The following SMIM40 variants were observed in gnomAD, a reference collection of about 807,000 sequenced individuals.
SMIM40 encodes small integral membrane protein 40.
chr6:33,329,097 A>G lies in SMIM40; in HGVS notation c.169T>C (p.Leu57=), dbSNP rs1418618304. The change falls in exon 1 of 3, where the codon TTA becomes CTA. Residue 57 remains leucine (L), a synonymous_variant. Coordinates refer to ENST00000494082, the MANE Select transcript of SMIM40 (RefSeq NM_001369203.1). ...MLEAAYKLLW[L]LLWAKLGDWL... ...TCCCCTAACTTTGCCCATAGTAGTA[A>G]CCACAGCAGCTTATAAGCAGCCTCC... The G allele has an allele frequency of 5.0e-6, 2 of 398,690 alleles. No homozygotes were observed. Among genetic ancestry groups the G allele is most frequent in the African/African-American group, 4.1e-5 (2 of 48,630 alleles). 24.7% of individuals were successfully genotyped at this position (398,690 alleles called of 1,614,324 possible). A position where few individuals can be genotyped will look rare whatever the true frequency, so the allele number is the denominator to read the frequency against.
At chr6:33,327,335 T>A (rs1771262816) in intron 1 of SMIM40, among the ~76,000 whole-genome samples, 1 of 148,004 alleles carries the variant, frequency 6.8e-6, no homozygotes, top group East Asian at 1.9e-4. Flanking sequence ...GGCAGAAGAA[T>A]CGCTTGAACC....
chr6:33,328,264 C>T (rs1381017481), intron 1 of SMIM40, among the ~76,000 whole-genome samples: 1 of 151,264 alleles, frequency 6.6e-6, no homozygotes, highest in African/African-American at 2.4e-5. Context: ...TCTCGGCTCA[C>T]TGCAACTGCC....
intron 1 of SMIM40, among the ~76,000 whole-genome samples, chr6:33,324,658 G>T (rs1380947060): frequency 6.8e-6 from 1 of 147,832 alleles, no homozygotes; most frequent in African/African-American, 2.5e-5. Flanking sequence ...TCCGAGGTGG[G>T]CGTATCATGG....
intron 1 of SMIM40, among the ~76,000 whole-genome samples, chr6:33,325,335 C>T (rs574027798): frequency 7.1e-6 from 1 of 140,398 alleles, no homozygotes; most frequent in Non-Finnish European, 1.5e-5. Flanking sequence ...CACTGCACTC[C>T]AGCCTGGCGA....
chr6:33,328,416 C>G (rs1158835242), intron 1 of SMIM40, among the ~76,000 whole-genome samples: 1 of 151,656 alleles, frequency 6.6e-6, no homozygotes, highest in Non-Finnish European at 1.5e-5. Flanking sequence ...TCTTGAACTC[C>G]TGACTTTAGG....
At chr6:33,325,054 G>A (rs1771079754) in intron 1 of SMIM40, among the ~76,000 whole-genome samples, 1 of 151,772 alleles carries the variant, frequency 6.6e-6, no homozygotes, top group Non-Finnish European at 1.5e-5. Flanking sequence ...ACCTCACCTG[G>A]CTAATTTTTT....
intron 1 of SMIM40, among the ~76,000 whole-genome samples, chr6:33,325,666 C>G (rs1376438946): frequency 7.0e-6 from 1 of 143,358 alleles, no homozygotes; most frequent in African/African-American, 2.8e-5. Context: ...ACGGTGAAAC[C>G]CTGTCTCTAC....
chr6:33,324,816 C>G (rs1376345313), intron 1 of SMIM40, among the ~76,000 whole-genome samples: 7 of 116,226 alleles, frequency 6.0e-5, no homozygotes, highest in African/African-American at 3.3e-5. Flanking sequence ...ATCCGGGAGG[C>G]GGAGGTTGCA....
In SMIM40 at chr6:33,329,269, G is replaced by C. The variant is rs1771403109; in HGVS notation, c.-4C>G. ...CCACATCACCTTCCTCTGCCATCCT[G>C]ACTCACAGTCAGACAGCTGGCTGGA... On this transcript the variant is annotated 5_prime_UTR_variant, in exon 1 of 3. Transcript: ENST00000494082. 1 of 398,594 alleles carries C rather than the reference G, an allele frequency of 2.5e-6. No homozygotes were observed. The highest frequency in any genetic ancestry group is 1.3e-4 in the South Asian group (1 of 7,834). 24.7% of individuals were successfully genotyped at this position (398,594 alleles called of 1,614,324 possible). A position where few individuals can be genotyped will look rare whatever the true frequency, so the allele number is the denominator to read the frequency against.
chr6:33,325,897 A>C lies in SMIM40; in HGVS notation c.*40-1867T>G, dbSNP rs962445771. Among the ~76,000 whole-genome samples the C allele has an allele frequency of 4.0e-5, 6 of 149,022 alleles. 1 individual carries two copies. Among genetic ancestry groups the C allele is most frequent in the African/African-American group, 1.6e-4 (6 of 38,646 alleles). On this transcript the variant is annotated intron_variant, in intron 1 of 2. Transcript: ENST00000494082. ...AAGTGTACGATCACATGTTTATAAG[A>C]ACATTCTGTTCTTATAATAATTGTA...
At chr6:33,326,348 T>TA (rs1771171542) in intron 1 of SMIM40, among the ~76,000 whole-genome samples, 1 of 146,320 alleles carries the variant, frequency 6.8e-6, no homozygotes, top group South Asian at 2.1e-4. Context: ...TTTTTGTATT[T>TA]TTTTTTTTTA....
intron 1 of SMIM40, among the ~76,000 whole-genome samples, chr6:33,324,344 G>A (rs915094373): frequency 6.6e-6 from 1 of 150,918 alleles, no homozygotes; most frequent in African/African-American, 2.4e-5. Flanking sequence ...CTGCAGTACA[G>A]GTTCTCATTC....
chr6:33,325,269 A>G (rs1771096118), intron 1 of SMIM40, among the ~76,000 whole-genome samples: 1 of 146,024 alleles, frequency 6.8e-6, no homozygotes, highest in South Asian at 2.2e-4. Context: ...CGGGAGGCTG[A>G]GGCAGGAGAA....
intron 1 of SMIM40, among the ~76,000 whole-genome samples, chr6:33,328,237 G>C (rs371599587): frequency 6.6e-6 from 1 of 150,594 alleles, no homozygotes; most frequent in Non-Finnish European, 1.5e-5. Flanking sequence ...CACCCAGGCC[G>C]GAGTGCAATG....
intron 1 of SMIM40, among the ~76,000 whole-genome samples, chr6:33,324,912 A>G (rs1299059447): frequency 2.4e-5 from 3 of 126,908 alleles, no homozygotes; most frequent in Non-Finnish European, 5.0e-5. Context: ...AAAAAAAAAA[A>G]GGAAAAAAAA....
intron 1 of SMIM40, among the ~76,000 whole-genome samples, chr6:33,328,217 C>G (rs528980619): frequency 1.6e-4 from 24 of 151,222 alleles, no homozygotes; most frequent in African/African-American, 5.8e-4. Context: ...TGGAAGGAGT[C>G]TCGCTCTGTC....
intron 1 of SMIM40, among the ~76,000 whole-genome samples, chr6:33,324,585 T>G (rs1771026765): frequency 1.4e-5 from 2 of 147,830 alleles, no homozygotes; most frequent in East Asian, 1.9e-4. Context: ...TGTCTTTTTT[T>G]TTTTTAAATG....
chr6:33,324,361 TCTC>T lies in SMIM40; in HGVS notation c.*40-334_*40-332del, dbSNP rs138853262. On this transcript the variant is annotated intron_variant, in intron 1 of 2. Transcript: ENST00000494082. Reference sequence around the variant, plus strand: ...GCAGTACAGGTTCTCATTCTTCACTTCTCCTTTTACAATAGAGTCACCCTCTTA... The same window carrying T: ...GCAGTACAGGTTCTCATTCTTCACTTCTTTTACAATAGAGTCACCCTCTTA... Among the ~76,000 whole-genome samples, 764 of 150,118 alleles carry T rather than the reference TCTC, an allele frequency of 5.1e-3. 8 individuals carry two copies. Among genetic ancestry groups the T allele is most frequent in the African/African-American group, 0.018 (724 of 40,708 alleles).
chr6:33,327,747 C>G (rs966140238), intron 1 of SMIM40, among the ~76,000 whole-genome samples: 1 of 149,528 alleles, frequency 6.7e-6, no homozygotes, highest in Non-Finnish European at 1.5e-5. Flanking sequence ...GTAGTCCCAG[C>G]TATTTGGGGG....
Sources: allele counts gnomAD v4.1 joint callset (sites outside exome capture counted in the v4.1 genomes callset), GRCh38; gene constraint gnomAD v4.1.1; transcripts MANE v1.5; gene names NCBI Gene and HGNC (gene_info 2026-07-23, HGNC 2026-07-21).